PIEZO1: variants seen among roughly 807,000 people sequenced by gnomAD.
PIEZO1 encodes piezo-type mechanosensitive ion channel component 1.
A neutral mutation model predicts 297.2 loss-of-function variants in PIEZO1; 296 were observed. The observed-to-expected ratio is 1.00, with a 90% CI of 0.91 to 1.10. The LOEUF is 1.10. Among genes scored for constraint, PIEZO1 ranks in the 50% least tolerant of loss-of-function variants. PIEZO1 has a pLI of 0.00. For missense variants in PIEZO1, 5,018 were observed against 3,455.5 expected, an observed-to-expected ratio of 1.45 and a Z score of -11.34; for synonymous variants, 2,427 against 1,507.5, an observed-to-expected ratio of 1.61 and a Z score of -14.13.
rs1466186909 is a variant in PIEZO1 at position 88,733,378 on chromosome 16, G to A, written c.2564C>T (p.Ser855Phe). The part of the protein sequence containing the change: ...LPYPRFRPMA[S>F]CLSTVWTCVI... ...GCAGGTCCACACGGTGGACAGGCAG[G>A]AGGCCATGGGCCGGAAGCGTGGGTA... is the stretch of plus-strand genomic sequence containing the variant. Residue 855 changes from serine to phenylalanine, a missense_variant, in exon 19 of 51, where the codon TCC becomes TTC. Coordinates refer to ENST00000301015, the MANE Select transcript of PIEZO1 (RefSeq NM_001142864.4). 1 of 1,550,204 alleles carries A rather than the reference G, an allele frequency of 6.5e-7. No homozygotes were observed.
At chr16:88,719,459 T>C in intron 44 of PIEZO1, 115 bp downstream of exon 44, 1 of 994,960 alleles carries the variant, frequency 1.0e-6, no homozygotes, top group East Asian at 2.6e-5. Context: ...CCCCATGGGC[T>C]CCGAGCCCTG....
At position 88,733,396 on chromosome 16, in the gene PIEZO1, C is replaced by A; in HGVS notation, c.2546G>T (p.Arg849Leu). 2 of 1,550,094 alleles carry A rather than the reference C, an allele frequency of 1.3e-6. No individual in the cohort carries two copies. Among genetic ancestry groups the A allele is most frequent in the Non-Finnish European group, 1.7e-6 (2 of 1,146,822 alleles). Residue 849 changes from arginine (R) to leucine (L), a missense_variant, in exon 19 of 51, where the codon CGC becomes CTC. Physicochemically the swap from Arg to Leu is moderately radical, Grantham distance 102 (BLOSUM62 -2). Transcript: ENST00000301015. ...CAGGCAGGAGGCCATGGGCCGGAAG[C>A]GTGGGTAGGGCAGGGCGAAGGCCCA... is the stretch of plus-strand genomic sequence containing the variant. ...VLWAFALPYP[R>L]FRPMASCLST...
chr16:88,728,220 G>A (rs918597250), intron 22 of PIEZO1, among the ~76,000 whole-genome samples: 7 of 152,240 alleles, frequency 4.6e-5, no homozygotes, highest in Non-Finnish European at 7.3e-5. Context: ...AGCGGCCGGG[G>A]CCTGCTGGGG....
Position 88,738,753 on chromosome 16 carries a change from CA to C in PIEZO1, c.466-18del, listed in dbSNP as rs1567676665. 16 of 1,523,262 alleles carry C rather than the reference CA, an allele frequency of 1.1e-5. No homozygotes were observed. Among genetic ancestry groups the C allele is most frequent in the South Asian group, 2.4e-5 (2 of 83,436 alleles). The allele number at this position is 1,523,262 out of a possible 1,614,324, so 94.4% of individuals were successfully genotyped here. Reference sequence around the variant, plus strand: ...ATCATCATCCTGCCAAGGTCACGGACAGGGGCAAGGTCAGGTGTATCGCACT... The same window carrying C: ...ATCATCATCCTGCCAAGGTCACGGACGGGGCAAGGTCAGGTGTATCGCACT... On this transcript the variant is annotated intron_variant, in intron 5 of 50. Transcript: ENST00000301015.
Position 88,720,613 on chromosome 16 carries a change from C to G in PIEZO1, c.5801+3G>C. 6.5e-7 allele frequency: 1 copy of G among 1,544,234 alleles called. No individual in the cohort carries two copies. Among genetic ancestry groups the G allele is most frequent in the Non-Finnish European group, 8.7e-7 (1 of 1,145,302 alleles). On this transcript the variant is annotated splice_donor_region_variant and intron_variant, in intron 40 of 50. Coordinates refer to ENST00000301015, the MANE Select transcript of PIEZO1 (RefSeq NM_001142864.4). The stretch of plus-strand genomic sequence containing the variant: ...CCAGCTGCCCCCGGCCGCCATCACT[C>G]ACAGGGACAGGCAGAAGCCCTGCAG...
intron 22 of PIEZO1, 113 bp downstream of exon 22, chr16:88,731,593 G>A: frequency 1.3e-6 from 1 of 762,560 alleles, no homozygotes; most frequent in Non-Finnish European, 2.2e-6. Flanking sequence ...GACTGGAGGA[G>A]GCCAAGGCTA....
At chr16:88,732,835 C>T in intron 19 of PIEZO1, 103 bp from the exon 20 acceptor site, 1 of 1,179,452 alleles carries the variant, frequency 8.5e-7, no homozygotes, top group Non-Finnish European at 1.2e-6. Context: ...TCCACTGCTC[C>T]CCAGCCAGGG....
At chr16:88,770,140 C>T (rs1597485650) in intron 1 of PIEZO1, among the ~76,000 whole-genome samples, 1 of 152,122 alleles carries the variant, frequency 6.6e-6, no homozygotes, top group Non-Finnish European at 1.5e-5. Context: ...TCTCTCCAGG[C>T]AGAGAGTGCA....
rs1321772426 is a variant in PIEZO1 at position 88,719,854 on chromosome 16, C to G, written c.6271G>C (p.Gly2091Arg). Residue 2091 changes from glycine to arginine, a missense_variant, in exon 43 of 51, where the codon GGC becomes CGC. Gly to Arg is a moderately radical substitution (Grantham distance 125). Transcript: ENST00000301015. ...IRCGYPTRIL[G>R]NFLTKKYNHL... The stretch of plus-strand genomic sequence containing the variant: ...TTGTACTTCTTGGTGAGGAAGTTGC[C>G]GAGGATGCGGGTGGGGTAGCCGCAG... 2.6e-6 allele frequency: 4 copies of G among 1,550,402 alleles called. No individual in the cohort carries two copies. The highest frequency in any genetic ancestry group is 2.4e-5 in the East Asian group (1 of 40,928).
intron 1 of PIEZO1, among the ~76,000 whole-genome samples, chr16:88,770,185 C>T (rs1907358557): frequency 6.6e-6 from 1 of 152,196 alleles, no homozygotes; most frequent in African/African-American, 2.4e-5. Flanking sequence ...TCTGTCGGGA[C>T]AGAACCTGCC....
chr16:88,780,222 C>T (rs1907867922), intron 1 of PIEZO1, among the ~76,000 whole-genome samples: 1 of 152,238 alleles, frequency 6.6e-6, no homozygotes, highest in Non-Finnish European at 1.5e-5. Context: ...AAGCCTTCAC[C>T]CCGGGCCTGT....
At chr16:88,773,178 G>A (rs955412562) in intron 1 of PIEZO1, among the ~76,000 whole-genome samples, 1 of 152,208 alleles carries the variant, frequency 6.6e-6, no homozygotes, top group African/African-American at 2.4e-5. Context: ...ATTGATTCAG[G>A]CTGAGCCTCC....
intron 1 of PIEZO1, among the ~76,000 whole-genome samples, chr16:88,757,316 TGGCGGG>T (rs1376552897): frequency 5.2e-4 from 2 of 3,818 alleles, no homozygotes; most frequent in Admixed American, 4.9e-3. Flanking sequence ...GGGGCGTTGC[TGGCGGG>T]GGGGTGGGGG....
At chr16:88,776,257 AC>A (rs1907658631) in intron 1 of PIEZO1, among the ~76,000 whole-genome samples, 1 of 152,082 alleles carries the variant, frequency 6.6e-6, no homozygotes, top group African/African-American at 2.4e-5. Context: ...ACACGGTGAA[AC>A]CCCGTCTCTA....
chr16:88,720,101 C>G lies in PIEZO1; in HGVS notation c.6132G>C (p.Trp2044Cys). Residue 2044 changes from tryptophan to cysteine, a missense_variant, in exon 42 of 51, where the codon TGG becomes TGC. Trp to Cys is a radical substitution (Grantham distance 215). Coordinates refer to ENST00000301015, the MANE Select transcript of PIEZO1 (RefSeq NM_001142864.4). ...TGACGGCGGGCAGGATGAAGAACAT[C>G]CATAGGTGGATGGCCAGCACCAGCG... is the stretch of plus-strand genomic sequence containing the variant. ...QVALVLAIHL[W>C]MFFILPAVTE... 1 of 1,550,384 alleles carries G rather than the reference C, an allele frequency of 6.5e-7. No homozygotes were observed. Among genetic ancestry groups the G allele is most frequent in the Admixed American group, 2.0e-5 (1 of 51,010 alleles).
intron 27 of PIEZO1, 41 bp from the exon 28 acceptor site, chr16:88,725,725 G>A (rs984168741): frequency 4.7e-6 from 5 of 1,065,964 alleles, no homozygotes; most frequent in East Asian, 2.6e-5. Flanking sequence ...CCAGGCACTC[G>A]ACCCCAGCAA....
chr16:88,750,925 G>A (rs531253015), intron 1 of PIEZO1, among the ~76,000 whole-genome samples: 1 of 151,744 alleles, frequency 6.6e-6, no homozygotes, highest in Non-Finnish European at 1.5e-5. Flanking sequence ...GGAGGCCACA[G>A]TGAGCTCAGA....
intron 1 of PIEZO1, among the ~76,000 whole-genome samples, chr16:88,752,817 C>T (rs1276455586): frequency 6.6e-6 from 1 of 152,132 alleles, no homozygotes; most frequent in Non-Finnish European, 1.5e-5. Context: ...CATGACCCAC[C>T]ACGGGCCTGC....
chr16:88,715,956 G>T lies in PIEZO1; in HGVS notation c.7293C>A (p.Ser2431Arg). The change falls in exon 50 of 51, where the codon AGC becomes AGA. Residue 2431 changes from serine (S) to arginine (R), a missense_variant. By Grantham distance (110) the Ser-to-Arg change is moderately radical. Coordinates refer to ENST00000301015, the MANE Select transcript of PIEZO1 (RefSeq NM_001142864.4). ...ACCCGTAGCCAGCCAGGAAGCCGAG[G>T]CTCGGTGGGCTGACCTTGTCACTGA... ...VIFSDKVSPP[S>R]LGFLAGYGIM... 1 of 1,549,728 alleles carries T rather than the reference G, an allele frequency of 6.5e-7. No individual in the cohort carries two copies.
Sources: allele counts gnomAD v4.1 joint callset (sites outside exome capture counted in the v4.1 genomes callset), GRCh38; gene constraint gnomAD v4.1.1; transcripts MANE v1.5; gene names NCBI Gene and HGNC (gene_info 2026-07-23, HGNC 2026-07-21).